The following ADK variants were observed in gnomAD, a reference collection of about 807,000 sequenced individuals.
ADK encodes the protein N6,N6-dimethyladenosine kinase.
Under a neutral mutation model 44.7 loss-of-function variants are expected in ADK, and 24 were observed. That is an observed-to-expected ratio of 0.54 (90% CI 0.39 to 0.76). ADK has a LOEUF of 0.76. Ranked by LOEUF, ADK falls within the 30% of genes least tolerant of loss-of-function variation. ADK has a pLI of 0.00. For synonymous variants in ADK, 128 were observed against 142.6 expected (o/e 0.90, Z 0.73); for missense variants, 321 against 425.1 (o/e 0.76, Z 2.15).
intron 7 of ADK, among the ~76,000 whole-genome samples, chr10:74,531,004 A>G (rs1020813118): frequency 6.6e-6 from 1 of 152,198 alleles, no homozygotes; most frequent in African/African-American, 2.4e-5. Context: ...AAGGAGTCTA[A>G]GACAGCTAGT....
At chr10:74,203,118 T>C (rs1843457339) in intron 2 of ADK, among the ~76,000 whole-genome samples, 1 of 152,228 alleles carries the variant, frequency 6.6e-6, no homozygotes, top group Non-Finnish European at 1.5e-5. Flanking sequence ...TTTGAGTTAA[T>C]TTTTGTATAA....
chr10:74,441,984 C>G (rs1358901885), intron 6 of ADK, among the ~76,000 whole-genome samples: 8 of 152,088 alleles, frequency 5.3e-5, no homozygotes, highest in Non-Finnish European at 8.8e-5. Context: ...AAATACAAAT[C>G]AAAAGACCAC....
intron 4 of ADK, among the ~76,000 whole-genome samples, chr10:74,324,375 C>T (rs977048226): frequency 6.6e-5 from 10 of 152,158 alleles, no homozygotes; most frequent in Non-Finnish European, 1.2e-4. Flanking sequence ...ATTGTAGATT[C>T]TTTGACCAAC....
intron 4 of ADK, among the ~76,000 whole-genome samples, chr10:74,373,074 G>T (rs1174067877): frequency 6.6e-6 from 1 of 151,270 alleles, no homozygotes; most frequent in East Asian, 1.9e-4. Flanking sequence ...ATGGCATAAA[G>T]AATAGTCTTT....
At chr10:74,341,838 C>T (rs1029567798) in intron 4 of ADK, among the ~76,000 whole-genome samples, 2 of 152,132 alleles carry the variant, frequency 1.3e-5, no homozygotes, top group African/African-American at 4.8e-5. Flanking sequence ...CCAGCATGCT[C>T]AAATTTGTAC....
chr10:74,176,218 C>T (rs953533224), intron 1 of ADK, among the ~76,000 whole-genome samples: 4 of 152,156 alleles, frequency 2.6e-5, no homozygotes, highest in Admixed American at 6.5e-5. Flanking sequence ...ACGTTTGGGA[C>T]CATCAGATCC....
At chr10:74,688,648 C>T (rs1396836709) in intron 10 of ADK, among the ~76,000 whole-genome samples, 3 of 152,198 alleles carry the variant, frequency 2.0e-5, no homozygotes, top group Non-Finnish European at 4.4e-5. Context: ...GGTGCAGTGG[C>T]TTACGCGTGT....
intron 9 of ADK, among the ~76,000 whole-genome samples, chr10:74,613,807 C>T (rs557440633): frequency 6.6e-6 from 1 of 152,208 alleles, no homozygotes; most frequent in South Asian, 2.1e-4. Flanking sequence ...CACATGATCC[C>T]AACTCAAAAT....
intron 6 of ADK, among the ~76,000 whole-genome samples, chr10:74,406,533 AAGAAGAAGAAG>A (rs1215251939): frequency 1.3e-4 from 3 of 23,756 alleles, no homozygotes; most frequent in Non-Finnish European, 2.0e-4. Context: ...TAATAAGAAG[AAGAAGAAGAAG>A]AAGAAGAAGA....
intron 4 of ADK, among the ~76,000 whole-genome samples, chr10:74,345,392 C>G (rs1841731169): frequency 6.6e-6 from 1 of 151,874 alleles, no homozygotes; most frequent in South Asian, 2.1e-4. Context: ...ACTGGAACCT[C>G]TGATTCCCAG....
In ADK at chr10:74,277,545, C is replaced by T. The variant is rs1427829760; in HGVS notation, c.195-37122C>T. ...CCAAGTAGCTGGGACTACAGGCACC[C>T]GCCACCATGCCTGGGTAATATTTTT... On this transcript the variant is annotated intron_variant, in intron 3 of 10. Coordinates refer to ENST00000539909, the MANE Select transcript of ADK (RefSeq NM_006721.4). Among the ~76,000 whole-genome samples the T allele has an allele frequency of 5.3e-5, 8 of 152,076 alleles. No homozygotes were observed. The South Asian group carries it at 6.2e-4, about 12-fold the overall frequency.
At chr10:74,605,362 G>A (rs180860467) in intron 9 of ADK, among the ~76,000 whole-genome samples, 12 of 152,218 alleles carry the variant, frequency 7.9e-5, no homozygotes, top group South Asian at 2.1e-4. Context: ...CCCATTCAGC[G>A]TGATATTGGC....
chr10:74,370,094 G>A (rs1744400123), intron 4 of ADK, among the ~76,000 whole-genome samples: 1 of 152,124 alleles, frequency 6.6e-6, no homozygotes, highest in South Asian at 2.1e-4. Flanking sequence ...CCTTTACTCT[G>A]AAAACTGTAA....
chr10:74,644,553 A>G (rs909554691), intron 9 of ADK, among the ~76,000 whole-genome samples: 4 of 152,198 alleles, frequency 2.6e-5, no homozygotes, highest in African/African-American at 9.7e-5. Flanking sequence ...TTTATTTTTG[A>G]GGCAGGGTCT....
At chr10:74,614,102 A>G (rs1209458006) in intron 9 of ADK, among the ~76,000 whole-genome samples, 1 of 152,170 alleles carries the variant, frequency 6.6e-6, no homozygotes, top group African/African-American at 2.4e-5. Context: ...GTCAAAAATA[A>G]TTTAGAATAA....
At chr10:74,665,736 T>TGAGAGAGAGAGAGAGA (rs59620474) in intron 9 of ADK, among the ~76,000 whole-genome samples, 8 of 116,208 alleles carry the variant, frequency 6.9e-5, no homozygotes, top group African/African-American at 1.7e-4. Context: ...CCTTAGCTCT[T>TGAGAGAGAGAGAGAGA]GAGAGAGAGA....
intron 7 of ADK, among the ~76,000 whole-genome samples, chr10:74,525,715 C>A (rs1849009702): frequency 6.6e-6 from 1 of 151,974 alleles, no homozygotes; most frequent in African/African-American, 2.4e-5. Context: ...AGTATAATGG[C>A]ATGATCTTGG....
intron 1 of ADK, among the ~76,000 whole-genome samples, chr10:74,160,139 GAC>G (rs1464786087): frequency 2.0e-5 from 3 of 152,152 alleles, no homozygotes; most frequent in Non-Finnish European, 4.4e-5. Flanking sequence ...GTGGGGCTCA[GAC>G]ACTGGACCAA....
At chr10:74,649,359 C>G (rs1203910417) in intron 9 of ADK, among the ~76,000 whole-genome samples, 4 of 152,174 alleles carry the variant, frequency 2.6e-5, no homozygotes, top group Non-Finnish European at 5.9e-5. Flanking sequence ...GGCACAGTGT[C>G]TCACCCCTGT....
Sources: allele counts gnomAD v4.1 joint callset (sites outside exome capture counted in the v4.1 genomes callset), GRCh38; gene constraint gnomAD v4.1.1; transcripts MANE v1.5; gene names NCBI Gene and HGNC (gene_info 2026-07-23, HGNC 2026-07-21).